The following PODXL variants were observed in gnomAD, a reference collection of about 807,000 sequenced individuals.
PODXL encodes the protein podocalyxin like, also known as podocalyxin.
In PODXL, 20 loss-of-function variants were observed where a neutral mutation model predicts 48.9. That is an observed-to-expected ratio of 0.41 (90% CI 0.29 to 0.59). PODXL has a LOEUF of 0.59. PODXL is among the 20% of genes least tolerant of loss of function. The pLI, the probability that PODXL is intolerant of heterozygous loss-of-function variation, is 0.31. For synonymous variants in PODXL, 295 were observed against 287.4 expected, an observed-to-expected ratio of 1.03 and a Z score of -0.27; for missense variants, 606 against 675.1, an observed-to-expected ratio of 0.90 and a Z score of 1.13.
At chr7:131,555,111 G>A (rs563746388) in intron 1 of PODXL, among the ~76,000 whole-genome samples, 1 of 152,188 alleles carries the variant, frequency 6.6e-6, no homozygotes, top group Admixed American at 6.5e-5. Context: ...CGGTGCAGAG[G>A]AGAGACTGTA....
chr7:131,539,972 G>A lies in PODXL; in HGVS notation c.100+16288C>T, dbSNP rs55802525. Among the ~76,000 whole-genome samples the A allele has an allele frequency of 9.9e-3, 1,509 of 152,274 alleles. 9 individuals are homozygous for A. Among genetic ancestry groups the A allele is most frequent in the Non-Finnish European group, 0.014 (969 of 68,004 alleles). On this transcript the variant is annotated intron_variant, in intron 1 of 8. Transcript: ENST00000378555. ...TCTTAGCATATTGGCCAGACTCTGC[G>A]CCACGTTCTTCCTGCATATGATCTC...
At chr7:131,527,336 A>G (rs549851791) in intron 1 of PODXL, among the ~76,000 whole-genome samples, 6 of 152,336 alleles carry the variant, frequency 3.9e-5, no homozygotes, top group Middle Eastern at 3.4e-3. Flanking sequence ...GAACACTCAT[A>G]CGGTTCTACT....
chr7:131,502,031 AG>A lies in PODXL; in HGVS notation c.*2279del, dbSNP rs574010456. 1.3e-5 allele frequency: 2 copies of A among 152,188 alleles called. No individual in the cohort carries two copies. The highest frequency in any genetic ancestry group is 2.9e-5 in the Non-Finnish European group (2 of 68,042). The allele number at this position is 152,188 out of a possible 1,614,324, so 9.4% of individuals were successfully genotyped here. ...ACCTGGCCAGGCACTCCTGCTCTCT[AG>A]TCCTTGCCAGTCATCATCTGTCTCC... is the stretch of plus-strand genomic sequence containing the variant. On this transcript the variant is annotated 3_prime_UTR_variant, in exon 9 of 9. Transcript: ENST00000378555.
At position 131,503,247 on chromosome 7, in the gene PODXL, G is replaced by A. The variant is rs1381293639; in HGVS notation, c.*1064C>T. 6.5e-6 allele frequency: 1 copy of A among 152,706 alleles called. No homozygotes were observed. Among genetic ancestry groups the A allele is most frequent in the African/African-American group, 2.4e-5 (1 of 41,456 alleles). The allele number at this position is 152,706 out of a possible 1,614,324, so 9.5% of individuals were successfully genotyped here. A position where few individuals can be genotyped will look rare whatever the true frequency, so the allele number is the denominator to read the frequency against. The stretch of plus-strand genomic sequence containing the variant: ...GTCTCTGAAGACACATCGCTGATGG[G>A]GGGCCCCGGGAAGGCCTCTCCTGCA... On this transcript the variant is annotated 3_prime_UTR_variant, in exon 9 of 9. Coordinates refer to ENST00000378555, the MANE Select transcript of PODXL (RefSeq NM_001018111.3).
rs556386731 is a variant in PODXL, at chr7:131,533,119, G to A, written c.101-21686C>T. On this transcript the variant is annotated intron_variant, in intron 1 of 8. Coordinates refer to ENST00000378555, the MANE Select transcript of PODXL (RefSeq NM_001018111.3). ...TGCTCCAACTGTCTGGGGCAAGGCC[G>A]GGTCCCCAACGTGCGCCCCTTACCC... 5.3e-5 allele frequency among the ~76,000 whole-genome samples: 8 copies of A among 152,318 alleles called. 1 individual carries two copies. The South Asian group carries it at 6.2e-4, about 12-fold the overall frequency.
chr7:131,511,479 C>A, intron 1 of PODXL, 46 bp from the exon 2 acceptor site: 1 of 1,582,286 alleles, frequency 6.3e-7, no homozygotes. Flanking sequence ...TGGGAGGCTT[C>A]CTCACCACGC....
intron 1 of PODXL, among the ~76,000 whole-genome samples, chr7:131,548,774 T>C (rs546574868): frequency 6.6e-6 from 1 of 152,182 alleles, no homozygotes; most frequent in African/African-American, 2.4e-5. Context: ...ACAGGAGACA[T>C]GGCCCCCTCC....
chr7:131,519,471 A>T (rs1032027827), intron 1 of PODXL, among the ~76,000 whole-genome samples: 1 of 152,180 alleles, frequency 6.6e-6, no homozygotes, highest in African/African-American at 2.4e-5. Context: ...TAAAGAAAAA[A>T]ATGGAGGAAT....
chr7:131,532,723 C>G (rs953313670), intron 1 of PODXL, among the ~76,000 whole-genome samples: 2 of 152,104 alleles, frequency 1.3e-5, no homozygotes, highest in African/African-American at 4.8e-5. Flanking sequence ...GTGGAAGCCC[C>G]AACCCCCAGC....
At chr7:131,547,548 C>T (rs1798600921) in intron 1 of PODXL, among the ~76,000 whole-genome samples, 1 of 152,158 alleles carries the variant, frequency 6.6e-6, no homozygotes, top group Non-Finnish European at 1.5e-5. Context: ...TAACAAGTGT[C>T]GAAGCTGTGG....
At chr7:131,515,052 CTCTG>C (rs1413284459) in intron 1 of PODXL, among the ~76,000 whole-genome samples, 3 of 152,190 alleles carry the variant, frequency 2.0e-5, no homozygotes, top group Non-Finnish European at 2.9e-5. Context: ...CATTCCTGGC[CTCTG>C]TCTATTAGAT....
chr7:131,528,876 T>C (rs1420543041), intron 1 of PODXL, among the ~76,000 whole-genome samples: 1 of 152,072 alleles, frequency 6.6e-6, no homozygotes, highest in Non-Finnish European at 1.5e-5. Flanking sequence ...TAAGGCCAGG[T>C]AGGGGCTGAC....
At chr7:131,538,777 G>GA (rs1798425222) in intron 1 of PODXL, among the ~76,000 whole-genome samples, 1 of 152,134 alleles carries the variant, frequency 6.6e-6, no homozygotes, top group African/African-American at 2.4e-5. Flanking sequence ...TTGCTAACAA[G>GA]AGAGGCGTCC....
chr7:131,528,622 C>G (rs1798224978), intron 1 of PODXL, among the ~76,000 whole-genome samples: 1 of 152,268 alleles, frequency 6.6e-6, no homozygotes, highest in Non-Finnish European at 1.5e-5. Flanking sequence ...ATGTGATTGT[C>G]AAGTAGTATT....
At position 131,508,083 on chromosome 7, in the gene PODXL, C is replaced by T. The variant is rs546601446; in HGVS notation, c.1101+868G>A. ...AGCCAGCCATCTCCAGCACCCGCCG[C>T]GCTCGGCAGTTATTTACTGAGTGTG... On this transcript the variant is annotated intron_variant, in intron 5 of 8. Transcript: ENST00000378555. Among the ~76,000 whole-genome samples the T allele has an allele frequency of 1.2e-4, 18 of 152,346 alleles. 2 individuals are homozygous for T. The South Asian group carries it at 2.7e-3, about 23-fold the overall frequency.
intron 1 of PODXL, among the ~76,000 whole-genome samples, chr7:131,516,151 C>T (rs190530900): frequency 6.6e-6 from 1 of 152,306 alleles, no homozygotes; most frequent in Non-Finnish European, 1.5e-5. Context: ...GTTCTCATTG[C>T]TTTCTTAGTT....
intron 1 of PODXL, among the ~76,000 whole-genome samples, chr7:131,518,068 T>A (rs1049236312): frequency 6.6e-6 from 1 of 152,082 alleles, no homozygotes; most frequent in Non-Finnish European, 1.5e-5. Flanking sequence ...AGGATACCAG[T>A]CATTGGATTT....
chr7:131,501,347 CAAA>C lies in PODXL; in HGVS notation c.*2961_*2963del, dbSNP rs920091335. 7.7e-4 allele frequency: 117 copies of C among 152,498 alleles called. 1 individual carries two copies. The highest frequency in any genetic ancestry group is 3.4e-3 in the Middle Eastern group (1 of 294). The allele number at this position is 152,498 out of a possible 1,614,324, so 9.4% of individuals were successfully genotyped here. On this transcript the variant is annotated 3_prime_UTR_variant, in exon 9 of 9. Coordinates refer to ENST00000378555, the MANE Select transcript of PODXL (RefSeq NM_001018111.3). Reference sequence around the variant, plus strand: ...AACATGGTCACTGTATTTACATTATCAAAAAAATATGTGTATATGTATCAGTTT... The same window carrying C: ...AACATGGTCACTGTATTTACATTATCAAAATATGTGTATATGTATCAGTTT...
At position 131,511,364 on chromosome 7, in the gene PODXL, G is replaced by A. The variant is rs1341740153; in HGVS notation, c.170C>T (p.Ala57Val). ...TGTGCTCTGCTGGGCTGTATCTGTA[G>A]CCATGATGGTGACACTGGATGCTGG... ...PTPASSVTIM[A>V]TDTAQQSTVP... Residue 57 changes from alanine to valine, a missense_variant, in exon 2 of 9, where the codon GCT becomes GTT. Physicochemically the swap from Ala to Val is moderately conservative, Grantham distance 64 (BLOSUM62 0). Coordinates refer to ENST00000378555, the MANE Select transcript of PODXL (RefSeq NM_001018111.3). The A allele has an allele frequency of 3.1e-6, 5 of 1,609,732 alleles. No individual in the cohort carries two copies.
Sources: allele counts gnomAD v4.1 joint callset (sites outside exome capture counted in the v4.1 genomes callset), GRCh38; gene constraint gnomAD v4.1.1; transcripts MANE v1.5; gene names NCBI Gene and HGNC (gene_info 2026-07-23, HGNC 2026-07-21).